Variants in ASTN2 observed in about 807,000 individuals in gnomAD.
ASTN2 encodes the protein astrotactin-2.
In ASTN2, 54 loss-of-function variants were observed where a neutral mutation model predicts 139.8. The observed-to-expected ratio is 0.39, with a 90% CI of 0.31 to 0.48. The LOEUF (loss-of-function observed/expected upper bound fraction) is 0.48, where lower values mean the gene tolerates loss of function less well. Among genes scored for constraint, ASTN2 ranks in the 20% least tolerant of loss-of-function variants. The probability of loss-of-function intolerance (pLI) is 0.95; values close to 1 mark genes in which losing one functional copy is unlikely to be tolerated. For missense variants in ASTN2, 1,565 were observed against 1,725.1 expected, an observed-to-expected ratio of 0.91 and a Z score of 1.64; for synonymous variants, 756 against 719.5, an observed-to-expected ratio of 1.05 and a Z score of -0.81.
At chr9:116,759,927 G>T (rs981704453) in intron 13 of ASTN2, among the ~76,000 whole-genome samples, 1 of 151,984 alleles carries the variant, frequency 6.6e-6, no homozygotes, top group African/African-American at 2.4e-5. Context: ...AAAAACCCTG[G>T]GTCAGATAGT....
chr9:117,226,614 T>TTTTTTG (rs1554793599), intron 2 of ASTN2, among the ~76,000 whole-genome samples: 99 of 148,156 alleles, frequency 6.7e-4, no homozygotes, highest in African/African-American at 2.0e-3. Flanking sequence ...TGTTTGTTTG[T>TTTTTTG]TTTTTTAACA....
At chr9:116,914,129 G>A (rs375518809) in intron 10 of ASTN2, among the ~76,000 whole-genome samples, 7 of 151,442 alleles carry the variant, frequency 4.6e-5, no homozygotes, top group East Asian at 1.9e-4. Flanking sequence ...AGCAGCAGAG[G>A]ATATGGCTAG....
chr9:116,713,212 A>G (rs1471012132), intron 16 of ASTN2, among the ~76,000 whole-genome samples: 2 of 152,174 alleles, frequency 1.3e-5, no homozygotes, highest in Non-Finnish European at 1.5e-5. Context: ...GTAAACTTCA[A>G]TGATTCTGGT....
At chr9:117,129,781 T>C (rs1829785948) in intron 4 of ASTN2, among the ~76,000 whole-genome samples, 1 of 152,236 alleles carries the variant, frequency 6.6e-6, no homozygotes, top group Non-Finnish European at 1.5e-5. Flanking sequence ...CAGTAAATGG[T>C]TTCTTTTTTG....
chr9:117,414,685 C>T lies in ASTN2; in HGVS notation c.254G>A (p.Gly85Asp). 1 of 1,247,646 alleles carries T rather than the reference C, an allele frequency of 8.0e-7. No homozygotes were observed. Among genetic ancestry groups the T allele is most frequent in the Non-Finnish European group, 1.0e-6 (1 of 999,366 alleles). 77.3% of individuals were successfully genotyped at this position (1,247,646 alleles called of 1,614,324 possible). A position where few individuals can be genotyped will look rare whatever the true frequency, so the allele number is the denominator to read the frequency against. ...CCCAGCCCCGGCCCCGGCGCGGGCG[C>T]CGCTCCAGCCGATGTCGCTCTCCCG... ...ALRESDIGWS[G>D]ARAGAGAGTG... Residue 85 changes from glycine to aspartate, a missense_variant, in exon 1 of 23, where the codon GGC becomes GAC. Physicochemically the swap from Gly to Asp is moderately conservative, Grantham distance 94. This residue lies in a region of ASTN2 where 596 missense variants were observed against 576.8 expected (regional missense o/e 1.03). Transcript: ENST00000313400. This position sits in a 1 kb window ranked among gnomAD's most constrained non-coding sequence, Gnocchi z 4.2.
At chr9:116,810,085 G>A (rs775964969) in intron 12 of ASTN2, among the ~76,000 whole-genome samples, 1 of 152,100 alleles carries the variant, frequency 6.6e-6, no homozygotes, top group Non-Finnish European at 1.5e-5. Context: ...TAAGAAACTA[G>A]CTTTTGTGCA....
At chr9:117,124,489 A>T (rs532079014) in intron 4 of ASTN2, among the ~76,000 whole-genome samples, 1 of 152,218 alleles carries the variant, frequency 6.6e-6, no homozygotes, top group Non-Finnish European at 1.5e-5. Context: ...ACTCACAGCA[A>T]TAATGATCAT....
intron 19 of ASTN2, among the ~76,000 whole-genome samples, chr9:116,508,322 T>A (rs1215195570): frequency 6.6e-6 from 1 of 152,198 alleles, no homozygotes; most frequent in Non-Finnish European, 1.5e-5. Context: ...ATTCAGTGCA[T>A]GGTAGTGGCG....
chr9:116,506,321 A>G (rs1473643225), intron 19 of ASTN2, among the ~76,000 whole-genome samples: 4 of 152,210 alleles, frequency 2.6e-5, no homozygotes, highest in Non-Finnish European at 4.4e-5. Flanking sequence ...GCTGGTGGAT[A>G]ACAGGAGTGG....
intron 11 of ASTN2, among the ~76,000 whole-genome samples, chr9:116,863,027 C>T (rs1832929614): frequency 6.6e-6 from 1 of 152,112 alleles, no homozygotes; most frequent in African/African-American, 2.4e-5. Flanking sequence ...ACTAAAATTC[C>T]AAGCAAACAA....
chr9:116,814,643 T>C (rs987857526), intron 12 of ASTN2, among the ~76,000 whole-genome samples: 1 of 152,154 alleles, frequency 6.6e-6, no homozygotes, highest in African/African-American at 2.4e-5. Context: ...GTGGAAAATA[T>C]GGGCACTTTA....
chr9:116,650,965 G>A (rs889056092), intron 17 of ASTN2, among the ~76,000 whole-genome samples: 8 of 151,268 alleles, frequency 5.3e-5, no homozygotes, highest in Non-Finnish European at 8.8e-5. Context: ...ACCCAGGCTG[G>A]AGTACAATGG....
chr9:117,017,258 TA>T (rs1837742063), intron 6 of ASTN2, among the ~76,000 whole-genome samples: 1 of 152,178 alleles, frequency 6.6e-6, no homozygotes, highest in Non-Finnish European at 1.5e-5. Context: ...ATTCTTTCTT[TA>T]TTTTTTGAAC....
At chr9:117,025,534 C>T (rs886960956) in intron 6 of ASTN2, among the ~76,000 whole-genome samples, 2 of 152,082 alleles carry the variant, frequency 1.3e-5, no homozygotes, top group African/African-American at 4.8e-5. Flanking sequence ...GGCCCTGGAA[C>T]CTTGAAACTC....
chr9:116,698,430 A>G lies in ASTN2; in HGVS notation c.2806+27341T>C, dbSNP rs139113969. On this transcript the variant is annotated intron_variant, in intron 16 of 22. Transcript: ENST00000313400. The surrounding 1 kb of genome is among the most constrained non-coding windows in gnomAD (Gnocchi z 4.4). ...AGAGGAGCAGAGTTACCTGCTTAAC[A>G]TTGCAGAGGTGCAGGCTGTGTCTCG... 34 of 1,614,086 alleles carry G rather than the reference A, an allele frequency of 2.1e-5. No individual in the cohort carries two copies. The highest frequency in any genetic ancestry group is 3.3e-4 in the Middle Eastern group (2 of 6,046).
Position 116,618,455 on chromosome 9 carries a change from G to C in ASTN2, c.3224C>G (p.Thr1075Arg). The C allele has an allele frequency of 1.2e-6, 2 of 1,612,860 alleles. No individual in the cohort carries two copies. The highest frequency in any genetic ancestry group is 1.7e-6 in the Non-Finnish European group (2 of 1,179,660). ...GACCACAGTACTGGAGGGCTCCACT[G>C]TTGGGGACAGCCGCAGCCTACAGGG... ...LLQPVLRLSP[T>R]VEPSSTVVSL... The change falls in exon 19 of 23, where the codon ACA becomes AGA. Residue 1075 changes from threonine to arginine, a missense_variant. Thr to Arg is a moderately conservative substitution (Grantham distance 71). This residue lies in a region of ASTN2 where 418 missense variants were observed against 465.8 expected (regional missense o/e 0.90). Transcript: ENST00000313400.
intron 16 of ASTN2, among the ~76,000 whole-genome samples, chr9:116,661,325 T>C (rs185443519): frequency 5.8e-4 from 88 of 152,290 alleles, no homozygotes; most frequent in Admixed American, 5.1e-3. Context: ...GAAGGATCAT[T>C]GTGTGCAAAG....
chr9:116,866,464 A>G (rs888424923), intron 10 of ASTN2, among the ~76,000 whole-genome samples: 4 of 152,216 alleles, frequency 2.6e-5, no homozygotes, highest in Non-Finnish European at 4.4e-5. Context: ...GGAGGAAAGA[A>G]TTAATAGTTC....
chr9:117,225,740 T>G (rs1242468751), intron 2 of ASTN2, among the ~76,000 whole-genome samples: 1 of 151,324 alleles, frequency 6.6e-6, no homozygotes, highest in Non-Finnish European at 1.5e-5. Context: ...ATGCTCAGTT[T>G]TCACAGCTCT....
Sources: gnomAD v4.1 joint callset for allele counts (sites outside exome capture counted in the v4.1 genomes callset) on GRCh38, gnomAD v4.1.1 for gene constraint, gnomAD v4.1.1 regional missense constraint, Gnocchi (gnomAD v3.1) non-coding constraint, MANE v1.5 for transcripts, NCBI Gene and HGNC (gene_info 2026-07-23, HGNC 2026-07-21) for gene names.